The following RIMS1 variants were observed in gnomAD, a reference collection of about 807,000 sequenced individuals.
RIMS1 encodes regulating synaptic membrane exocytosis protein 1.
Under a neutral mutation model 214.1 loss-of-function variants are expected in RIMS1, and 83 were observed. The ratio of observed to expected loss-of-function variants is 0.39; its 90% CI spans 0.32 to 0.47. The LOEUF (loss-of-function observed/expected upper bound fraction) is 0.47, where lower values mean the gene tolerates loss of function less well. RIMS1 is among the 20% of genes least tolerant of loss of function. RIMS1 has a pLI of 0.99. For synonymous variants in RIMS1, 793 were observed against 786.8 expected (o/e 1.01, Z -0.13); for missense variants, 2,050 against 2,161.8 (o/e 0.95, Z 1.03).
intron 6 of RIMS1, among the ~76,000 whole-genome samples, chr6:72,206,112 G>A (rs2052861036): frequency 6.6e-6 from 1 of 151,818 alleles, no homozygotes; most frequent in South Asian, 2.1e-4. Context: ...ATTTGTATTT[G>A]CTCAGGTTTT....
chr6:72,333,871 C>T (rs193257354), intron 29 of RIMS1, 36 bp downstream of exon 29: 20 of 1,425,898 alleles, frequency 1.4e-5, no homozygotes, highest in Middle Eastern at 1.8e-4. Context: ...CAACTCAATT[C>T]TTTTATGGAG....
intron 29 of RIMS1, among the ~76,000 whole-genome samples, chr6:72,348,755 C>T (rs1166349862): frequency 1.3e-5 from 2 of 151,696 alleles, no homozygotes; most frequent in African/African-American, 2.4e-5. Flanking sequence ...TTTGTGGAAC[C>T]TCCAGAATTG....
In RIMS1 at chr6:72,226,844, A is replaced by G. The variant is rs1003077445; in HGVS notation, c.1679-6929A>G. Reference sequence around the variant, plus strand: ...ATTAACTGTAAGTCTGATCTCTAACACCACGATTTCATATTCTTCATCTCA... The same window carrying G: ...ATTAACTGTAAGTCTGATCTCTAACGCCACGATTTCATATTCTTCATCTCA... On this transcript the variant is annotated intron_variant, in intron 6 of 33. Transcript: ENST00000521978. Among the ~76,000 whole-genome samples the G allele has an allele frequency of 4.6e-5, 7 of 152,228 alleles. No homozygotes were observed. The East Asian group carries it at 1.3e-3, about 29-fold the overall frequency.
At chr6:72,292,170 A>G (rs1468991370) in intron 26 of RIMS1, 124 bp downstream of exon 26, 7 of 643,242 alleles carry the variant, frequency 1.1e-5, no homozygotes, top group Non-Finnish European at 1.8e-5. Flanking sequence ...TAAAAATTTG[A>G]TTTTCTTACA....
intron 6 of RIMS1, among the ~76,000 whole-genome samples, chr6:72,230,634 T>C (rs1366022704): frequency 6.6e-6 from 1 of 151,582 alleles, no homozygotes; most frequent in Admixed American, 6.6e-5. Flanking sequence ...TAGAGTTACA[T>C]GTTTATGCCT....
intron 2 of RIMS1, among the ~76,000 whole-genome samples, chr6:72,039,918 G>A (rs570843311): frequency 6.6e-6 from 1 of 152,102 alleles, no homozygotes; most frequent in South Asian, 2.1e-4. Flanking sequence ...GCAGGAGAAA[G>A]AAATACTGGA....
intron 22 of RIMS1, among the ~76,000 whole-genome samples, chr6:72,272,076 G>A (rs1196969020): frequency 6.6e-6 from 1 of 152,132 alleles, no homozygotes; most frequent in African/African-American, 2.4e-5. Flanking sequence ...TTTTAGGTAG[G>A]CTGGTTTGGA....
At chr6:72,044,152 T>G (rs1585548665) in intron 2 of RIMS1, among the ~76,000 whole-genome samples, 1 of 151,798 alleles carries the variant, frequency 6.6e-6, no homozygotes, top group Admixed American at 6.6e-5. Context: ...AAATAGACAT[T>G]GCTGAAACAA....
intron 29 of RIMS1, among the ~76,000 whole-genome samples, chr6:72,337,639 T>A (rs2096888161): frequency 6.6e-6 from 1 of 151,738 alleles, no homozygotes; most frequent in Admixed American, 6.6e-5. Flanking sequence ...GTGCACAATG[T>A]GCAGGTTTGT....
chr6:72,045,773 A>G (rs1822824834), intron 2 of RIMS1, among the ~76,000 whole-genome samples: 1 of 151,166 alleles, frequency 6.6e-6, no homozygotes, highest in South Asian at 2.1e-4. Context: ...TATTTTCCAG[A>G]TGTTTATTGG....
intron 29 of RIMS1, among the ~76,000 whole-genome samples, chr6:72,340,559 T>G (rs1014719440): frequency 1.3e-5 from 2 of 152,146 alleles, no homozygotes; most frequent in Admixed American, 6.6e-5. Flanking sequence ...CCCCATTTCT[T>G]GTTTTTGTCA....
chr6:72,025,067 C>T (rs1448681508), intron 2 of RIMS1, among the ~76,000 whole-genome samples: 5 of 151,846 alleles, frequency 3.3e-5, no homozygotes, highest in Non-Finnish European at 7.4e-5. Flanking sequence ...CCATACCCGG[C>T]TAATTTTTGT....
intron 6 of RIMS1, among the ~76,000 whole-genome samples, chr6:72,187,603 A>G (rs1266040710): frequency 6.8e-6 from 1 of 147,718 alleles, no homozygotes; most frequent in Non-Finnish European, 1.5e-5. Context: ...AAGTGATTCT[A>G]CTGCCTCTGC....
chr6:71,911,619 C>A (rs1447655669), intron 1 of RIMS1, among the ~76,000 whole-genome samples: 1 of 152,084 alleles, frequency 6.6e-6, no homozygotes, highest in East Asian at 1.9e-4. Context: ...CTCCATGGAT[C>A]AACTCTATGG....
intron 26 of RIMS1, among the ~76,000 whole-genome samples, chr6:72,306,021 G>C (rs573271453): frequency 1.3e-5 from 2 of 152,014 alleles, no homozygotes; most frequent in Non-Finnish European, 2.9e-5. Context: ...TTTTTTTAAA[G>C]TGTGTGTTGG....
intron 29 of RIMS1, among the ~76,000 whole-genome samples, chr6:72,368,406 A>G (rs1452621667): frequency 7.0e-6 from 1 of 142,556 alleles, no homozygotes; most frequent in Non-Finnish European, 1.5e-5. Flanking sequence ...GGTTCACGCC[A>G]TTCTCCTGCC....
chr6:72,172,503 A>T (rs952074378), intron 4 of RIMS1, among the ~76,000 whole-genome samples: 5 of 152,168 alleles, frequency 3.3e-5, no homozygotes, highest in African/African-American at 7.2e-5. Context: ...ATATAAAAAT[A>T]AAGGAAGATA....
chr6:72,370,535 C>A lies in RIMS1; in HGVS notation c.4367-20063C>A, dbSNP rs540816925. Among the ~76,000 whole-genome samples the A allele has an allele frequency of 7.9e-5, 12 of 152,266 alleles. No individual in the cohort carries two copies. In the South Asian group the frequency reaches 2.5e-3, roughly 32 times the overall value. On this transcript the variant is annotated intron_variant, in intron 29 of 33. Coordinates refer to ENST00000521978, the MANE Select transcript of RIMS1 (RefSeq NM_014989.7). Reference sequence around the variant, plus strand: ...ACTTGATCCCCTGTCTCATCTCTCACTTAGGAATATTTTTTACTTCTGATT... The same window carrying A: ...ACTTGATCCCCTGTCTCATCTCTCAATTAGGAATATTTTTTACTTCTGATT...
intron 2 of RIMS1, among the ~76,000 whole-genome samples, chr6:72,015,149 G>A (rs932776311): frequency 2.6e-5 from 4 of 152,224 alleles, no homozygotes; most frequent in African/African-American, 4.8e-5. Context: ...TACACATTAT[G>A]CATATAGCCT....
Sources: gnomAD v4.1 joint callset for allele counts (sites outside exome capture counted in the v4.1 genomes callset) on GRCh38, gnomAD v4.1.1 for gene constraint, MANE v1.5 for transcripts, NCBI Gene and HGNC (gene_info 2026-07-23, HGNC 2026-07-21) for gene names.